Variants in MS4A8 observed in about 807,000 individuals in gnomAD.
The protein encoded by MS4A8 is membrane spanning 4-domains A8.
MS4A8 carries 27 observed loss-of-function variants against 23.7 expected under a neutral mutation model. The ratio of observed to expected loss-of-function variants is 1.14; its 90% CI spans 0.84 to 1.57. The LOEUF (loss-of-function observed/expected upper bound fraction) is 1.57, where lower values mean the gene tolerates loss of function less well. Among genes scored for constraint, MS4A8 ranks in the 40% most tolerant of loss-of-function variants. The pLI, the probability that MS4A8 is intolerant of heterozygous loss-of-function variation, is 0.00. For missense variants in MS4A8, 301 were observed against 311.4 expected (o/e 0.97, Z 0.25); for synonymous variants, 138 against 126.3 (o/e 1.09, Z -0.62).
intron 1 of MS4A8, among the ~76,000 whole-genome samples, chr11:60,700,370 A>T (rs997183975): frequency 2.0e-5 from 3 of 152,120 alleles, no homozygotes; most frequent in Non-Finnish European, 4.4e-5. Context: ...ACAGGGGGAA[A>T]CCCCATCTCT....
At chr11:60,704,728 G>A (rs1014210948) in intron 3 of MS4A8, among the ~76,000 whole-genome samples, 2 of 152,018 alleles carry the variant, frequency 1.3e-5, no homozygotes, top group African/African-American at 2.4e-5. Context: ...AGAGTGATCC[G>A]TGACTCCATA....
At chr11:60,711,834 G>A (rs1392150934) in intron 5 of MS4A8, 1 of 456,116 alleles carries the variant, frequency 2.2e-6, no homozygotes, top group Admixed American at 2.3e-5. Flanking sequence ...TCTTAGTTCT[G>A]CCAATGATTG....
At chr11:60,706,057 G>A (rs188616994) in intron 3 of MS4A8, among the ~76,000 whole-genome samples, 197 of 152,298 alleles carry the variant, frequency 1.3e-3, no homozygotes, top group African/African-American at 4.4e-3. Flanking sequence ...TTTTGGGGCC[G>A]TTGCAAATGT....
chr11:60,711,349 G>A (rs567214765), intron 5 of MS4A8, among the ~76,000 whole-genome samples: 1 of 152,314 alleles, frequency 6.6e-6, no homozygotes, highest in African/African-American at 2.4e-5. Context: ...ATCTTTCCAA[G>A]ATTCTTAGGC....
chr11:60,705,398 C>T (rs369897302), intron 3 of MS4A8, among the ~76,000 whole-genome samples: 28 of 152,248 alleles, frequency 1.8e-4, no homozygotes, highest in African/African-American at 6.3e-4. Context: ...CCTCCTCCCA[C>T]CAGGCTGCTG....
intron 1 of MS4A8, among the ~76,000 whole-genome samples, chr11:60,700,515 C>T (rs1459445582): frequency 6.6e-6 from 1 of 151,968 alleles, no homozygotes; most frequent in Non-Finnish European, 1.5e-5. Context: ...CACTGCACTC[C>T]AGCCTGGGTG....
intron 5 of MS4A8, among the ~76,000 whole-genome samples, chr11:60,713,530 G>GCCAGCATGTCCCA (rs772017573): frequency 6.6e-6 from 1 of 152,136 alleles, no homozygotes; most frequent in Non-Finnish European, 1.5e-5. Flanking sequence ...CAGTATTGCT[G>GCCAGCATGTCCCA]CCAGCATGTC....
intron 5 of MS4A8, among the ~76,000 whole-genome samples, chr11:60,714,171 G>A (rs1369769799): frequency 6.8e-6 from 1 of 147,246 alleles, no homozygotes; most frequent in Admixed American, 6.6e-5. Context: ...TGATCCACCC[G>A]CCTCGGCCTC....
chr11:60,704,116 CTTTTT>C (rs1245958477), intron 3 of MS4A8, among the ~76,000 whole-genome samples: 1 of 126,866 alleles, frequency 7.9e-6, no homozygotes. Context: ...TTTCTTTTTA[CTTTTT>C]TTTTTTTTTT....
At chr11:60,706,113 T>G (rs1280969133) in intron 3 of MS4A8, among the ~76,000 whole-genome samples, 1 of 152,168 alleles carries the variant, frequency 6.6e-6, no homozygotes, top group African/African-American at 2.4e-5. Context: ...ATAAATATAC[T>G]AAAAATAATT....
chr11:60,705,597 C>T (rs539187190), intron 3 of MS4A8, among the ~76,000 whole-genome samples: 2 of 152,386 alleles, frequency 1.3e-5, no homozygotes, highest in African/African-American at 4.8e-5. Flanking sequence ...AGCCCTTCCT[C>T]CCCATCAAAT....
At position 60,715,332 on chromosome 11, in the gene MS4A8, T is replaced by A; in HGVS notation, c.671T>A (p.Ile224Asn). The A allele has an allele frequency of 2.5e-6, 4 of 1,613,918 alleles. No individual in the cohort carries two copies. The highest frequency in any genetic ancestry group is 3.4e-6 in the Non-Finnish European group (4 of 1,179,990). ...CAGGTGAGTGTCATCTATCCAAACATCTATGCAGCAAACCCAGTGATCACC... is the reference window on the plus strand; with the variant it reads ...CAGGTGAGTGTCATCTATCCAAACAACTATGCAGCAAACCCAGTGATCACC... ...SSNVSVIYPNIYAANPVITPE... is the reference protein window; with the variant it reads ...SSNVSVIYPNNYAANPVITPE... The change falls in exon 7 of 7, where the codon ATC becomes AAC. Residue 224 changes from isoleucine (I) to asparagine (N), a missense_variant. Ile to Asn is a moderately radical substitution (Grantham distance 149). Coordinates refer to ENST00000300226, the MANE Select transcript of MS4A8 (RefSeq NM_031457.2).
intron 1 of MS4A8, among the ~76,000 whole-genome samples, 175 bp from the exon 2 acceptor site, chr11:60,700,685 T>C (rs892981048): frequency 1.3e-5 from 2 of 152,186 alleles, no homozygotes; most frequent in Non-Finnish European, 2.9e-5. Flanking sequence ...TGAAAGGAAA[T>C]GTATTTGTAA....
At chr11:60,703,808 C>G (rs1049850214) in intron 3 of MS4A8, among the ~76,000 whole-genome samples, 8 of 152,216 alleles carry the variant, frequency 5.3e-5, no homozygotes, top group African/African-American at 9.6e-5. Context: ...CTCTCCTTGG[C>G]TTGCAGAAGG....
Position 60,715,337 on chromosome 11 carries a change from G to C in MS4A8, c.676G>C (p.Ala226Pro). The change falls in exon 7 of 7, where the codon GCA (alanine) becomes CCA (proline). Residue 226 changes from alanine (A) to proline (P), a missense_variant. Coordinates refer to ENST00000300226, the MANE Select transcript of MS4A8 (RefSeq NM_031457.2). The stretch of plus-strand genomic sequence containing the variant: ...GAGTGTCATCTATCCAAACATCTAT[G>C]CAGCAAACCCAGTGATCACCCCAGA... Reference protein sequence around the residue: ...NVSVIYPNIYAANPVITPEPV... With the variant: ...NVSVIYPNIYPANPVITPEPV... The C allele has an allele frequency of 6.2e-7, 1 of 1,613,952 alleles. No individual in the cohort carries two copies. The highest frequency in any genetic ancestry group is 8.5e-7 in the Non-Finnish European group (1 of 1,180,004).
chr11:60,702,808 A>G (rs2088216299), intron 2 of MS4A8, among the ~76,000 whole-genome samples: 1 of 152,210 alleles, frequency 6.6e-6, no homozygotes, highest in East Asian at 1.9e-4. Flanking sequence ...GTTTTCAAAT[A>G]GAGTCACATT....
At position 60,715,736 on chromosome 11, in the gene MS4A8, G is replaced by T; in HGVS notation, c.*322G>T. On this transcript the variant is annotated 3_prime_UTR_variant, in exon 7 of 7. Coordinates refer to ENST00000300226, the MANE Select transcript of MS4A8 (RefSeq NM_031457.2). Reference sequence around the variant, plus strand: ...GCTGCATGTGAGCTTGTGGGTTAGAGGAACAAATATCTAGACATTCAATCT... The same window carrying T: ...GCTGCATGTGAGCTTGTGGGTTAGATGAACAAATATCTAGACATTCAATCT... 3.0e-6 allele frequency: 1 copy of T among 329,372 alleles called. No homozygotes were observed. The highest frequency in any genetic ancestry group is 5.7e-6 in the Non-Finnish European group (1 of 176,660). The allele number at this position is 329,372 out of a possible 1,614,324, so 20.4% of individuals were successfully genotyped here. A position where few individuals can be genotyped will look rare whatever the true frequency, so the allele number is the denominator to read the frequency against.
intron 3 of MS4A8, 71 bp from the exon 4 acceptor site, chr11:60,706,917 G>A (rs1167396211): frequency 7.5e-7 from 1 of 1,326,624 alleles, no homozygotes; most frequent in African/African-American, 1.5e-5. Flanking sequence ...TGTGTGACCA[G>A]AATCACAGAA....
At chr11:60,711,673 T>C (rs974554722) in intron 5 of MS4A8, among the ~76,000 whole-genome samples, 2 of 151,992 alleles carry the variant, frequency 1.3e-5, no homozygotes, top group Admixed American at 6.5e-5. Context: ...GACTGCCCAA[T>C]AGAAGAAATT....
Sources: gnomAD v4.1 joint callset for allele counts (sites outside exome capture counted in the v4.1 genomes callset) on GRCh38, gnomAD v4.1.1 for gene constraint, MANE v1.5 for transcripts, NCBI Gene and HGNC (gene_info 2026-07-23, HGNC 2026-07-21) for gene names.